Variants in THRB observed in about 807,000 individuals in gnomAD.
THRB encodes the protein thyroid hormone receptor beta.
Under a neutral mutation model 47.8 loss-of-function variants are expected in THRB, and 12 were observed. The ratio of observed to expected loss-of-function variants is 0.25; its 90% CI spans 0.16 to 0.41. THRB has a LOEUF of 0.41. Ranked by LOEUF, THRB falls within the 10% of genes least tolerant of loss-of-function variation. The pLI, the probability that THRB is intolerant of heterozygous loss-of-function variation, is 1.00. For synonymous variants in THRB, 218 were observed against 212.2 expected (o/e 1.03, Z -0.24); for missense variants, 348 against 589.2 (o/e 0.59, Z 4.24).
chr3:24,309,738 C>A (rs916065711), intron 2 of THRB, among the ~76,000 whole-genome samples: 2 of 152,032 alleles, frequency 1.3e-5, no homozygotes, highest in South Asian at 4.2e-4. Flanking sequence ...GTTCAGGGAT[C>A]CATTAAGCAT....
At chr3:24,266,519 G>A (rs928815443) in intron 3 of THRB, among the ~76,000 whole-genome samples, 1 of 152,184 alleles carries the variant, frequency 6.6e-6, no homozygotes, top group African/African-American at 2.4e-5. Context: ...CTTGTGTACA[G>A]TCATGAAACC....
intron 3 of THRB, among the ~76,000 whole-genome samples, chr3:24,276,529 A>G (rs1263486500): frequency 6.6e-6 from 1 of 152,234 alleles, no homozygotes; most frequent in Non-Finnish European, 1.5e-5. Flanking sequence ...GAATAATGAT[A>G]CAGCCTGCCT....
At chr3:24,477,085 G>GGTGGGTGTGTGTGT (rs368829933) in intron 1 of THRB, among the ~76,000 whole-genome samples, 1 of 137,574 alleles carries the variant, frequency 7.3e-6, no homozygotes, top group African/African-American at 2.7e-5. Context: ...CATATAAAGG[G>GGTGGGTGTGTGTGT]GTGTGTGTGT....
At chr3:24,136,949 T>A (rs1371184890) in intron 8 of THRB, among the ~76,000 whole-genome samples, 1 of 152,228 alleles carries the variant, frequency 6.6e-6, no homozygotes, top group Non-Finnish European at 1.5e-5. Flanking sequence ...CTCATCTCTG[T>A]CTTTTCCAAA....
intron 2 of THRB, among the ~76,000 whole-genome samples, chr3:24,305,739 T>C (rs2057291214): frequency 1.3e-5 from 2 of 152,228 alleles, no homozygotes; most frequent in South Asian, 4.1e-4. Flanking sequence ...TTTCCCTCTG[T>C]ATCTACCACA....
rs9867410 is a variant in THRB, at chr3:24,295,847, A to G, written c.-43+1379T>C. Among the ~76,000 whole-genome samples the G allele has an allele frequency of 9.7e-3, 1,483 of 152,304 alleles. 21 individuals carry two copies. The highest frequency in any genetic ancestry group is 0.033 in the African/African-American group (1,387 of 41,564). ...GATGGAATTTATCAAGCACTGTCCA[A>G]TAGAACTTTCTGTGATAATGTCAAT... On this transcript the variant is annotated intron_variant, in intron 3 of 10. Transcript: ENST00000646209.
At chr3:24,224,689 C>T (rs1184456553) in intron 4 of THRB, among the ~76,000 whole-genome samples, 1 of 152,330 alleles carries the variant, frequency 6.6e-6, no homozygotes. Flanking sequence ...AGTCTCAAAA[C>T]ACAAAATGCA....
chr3:24,129,055 TA>T (rs2033404865), intron 9 of THRB, among the ~76,000 whole-genome samples: 1 of 152,162 alleles, frequency 6.6e-6, no homozygotes, highest in South Asian at 2.1e-4. Context: ...GAATTACATC[TA>T]AAATACTGGG....
At chr3:24,219,927 A>G (rs951137109) in intron 4 of THRB, among the ~76,000 whole-genome samples, 1 of 152,244 alleles carries the variant, frequency 6.6e-6, no homozygotes, top group African/African-American at 2.4e-5. Context: ...GCGTAGCGGA[A>G]TCACTTGAGG....
Position 24,283,801 on chromosome 3 carries a change from G to A in THRB, c.-43+13425C>T, listed in dbSNP as rs1036087881. On this transcript the variant is annotated intron_variant, in intron 3 of 10. Coordinates refer to ENST00000646209, the MANE Select transcript of THRB (RefSeq NM_001354712.2). Reference sequence around the variant, plus strand: ...CTTATACACCAGTAACAGACAGAGAGCCAAATCATGAGTGAACTCCCATTC... The same window carrying A: ...CTTATACACCAGTAACAGACAGAGAACCAAATCATGAGTGAACTCCCATTC... Among the ~76,000 whole-genome samples the A allele has an allele frequency of 2.1e-3, 325 of 152,196 alleles. 1 individual carries two copies. Among genetic ancestry groups the A allele is most frequent in the African/African-American group, 7.6e-3 (317 of 41,490 alleles).
rs533804074 is a variant in THRB, at chr3:24,147,420, G to A, written c.385-598C>T. 7.2e-5 allele frequency among the ~76,000 whole-genome samples: 11 copies of A among 152,216 alleles called. No individual in the cohort carries two copies. In the South Asian group the frequency reaches 2.3e-3, roughly 31 times the overall value. The stretch of plus-strand genomic sequence containing the variant: ...CCTTTCAAACAATAGGACTCAGGGA[G>A]TAGAACGCTCCAGGTTTTCTACCAA... On this transcript the variant is annotated intron_variant, in intron 6 of 10. Coordinates refer to ENST00000646209, the MANE Select transcript of THRB (RefSeq NM_001354712.2).
intron 1 of THRB, among the ~76,000 whole-genome samples, chr3:24,483,665 C>A (rs113317837): frequency 1.2e-4 from 18 of 152,046 alleles, no homozygotes; most frequent in African/African-American, 4.1e-4. Flanking sequence ...TAAAGATGAC[C>A]CCATAAGGGT....
At chr3:24,390,913 C>G (rs2066521098) in intron 1 of THRB, among the ~76,000 whole-genome samples, 1 of 151,620 alleles carries the variant, frequency 6.6e-6, no homozygotes, top group Non-Finnish European at 1.5e-5. Context: ...GGGCTTTTGC[C>G]AGGTATTGCT....
chr3:24,279,247 G>A (rs988012679), intron 3 of THRB, among the ~76,000 whole-genome samples: 4 of 152,204 alleles, frequency 2.6e-5, no homozygotes, highest in East Asian at 1.9e-4. Context: ...GAACATGTTC[G>A]CTTGCCTGAG....
chr3:24,300,178 G>A lies in THRB; in HGVS notation c.-188-2807C>T, dbSNP rs74884806. 8.7e-3 allele frequency among the ~76,000 whole-genome samples: 1,328 copies of A among 152,234 alleles called. 14 individuals carry two copies. Among genetic ancestry groups the A allele is most frequent in the African/African-American group, 0.029 (1,224 of 41,526 alleles). On this transcript the variant is annotated intron_variant, in intron 2 of 10. Coordinates refer to ENST00000646209, the MANE Select transcript of THRB (RefSeq NM_001354712.2). ...CTGAGGCTGAGCAACCAGAGACCCA[G>A]GGTGGCTGGTTACACGTGACTTTGC...
chr3:24,266,114 A>G (rs568993811), intron 3 of THRB, among the ~76,000 whole-genome samples: 18 of 152,324 alleles, frequency 1.2e-4, no homozygotes, highest in African/African-American at 4.3e-4. Context: ...AGAAATTGAT[A>G]GGGTTTTTGA....
chr3:24,388,652 C>A (rs1382688195), intron 1 of THRB, among the ~76,000 whole-genome samples: 1 of 152,136 alleles, frequency 6.6e-6, no homozygotes, highest in Non-Finnish European at 1.5e-5. Context: ...AGTGTTCCAT[C>A]TTGATGGCTC....
chr3:24,224,372 TGTTTA>T, intron 4 of THRB, among the ~76,000 whole-genome samples: 1 of 152,188 alleles, frequency 6.6e-6, no homozygotes, highest in African/African-American at 2.4e-5. Context: ...TGAGGAAGCG[TGTTTA>T]TTGACAGCAG....
chr3:24,453,889 T>C (rs998075063), intron 1 of THRB, among the ~76,000 whole-genome samples: 21 of 152,124 alleles, frequency 1.4e-4, no homozygotes, highest in African/African-American at 5.1e-4. Flanking sequence ...AGTGTTCTCC[T>C]AGCCCTCAAG....
Sources: gnomAD v4.1 joint callset for allele counts (sites outside exome capture counted in the v4.1 genomes callset) on GRCh38, gnomAD v4.1.1 for gene constraint, MANE v1.5 for transcripts, NCBI Gene and HGNC (gene_info 2026-07-23, HGNC 2026-07-21) for gene names.